Variants in NRAS observed in about 807,000 individuals in gnomAD.
The protein encoded by NRAS is NRAS proto-oncogene, GTPase.
NRAS carries 6 observed loss-of-function variants against 21.3 expected under a neutral mutation model. That is an observed-to-expected ratio of 0.28 (90% CI 0.15 to 0.56). The LOEUF (loss-of-function observed/expected upper bound fraction) is 0.56, where lower values mean the gene tolerates loss of function less well. NRAS is among the 20% of genes least tolerant of loss of function. The pLI is 0.93. For synonymous variants in NRAS, 84 were observed against 82.0 expected (o/e 1.02, Z -0.13); for missense variants, 143 against 231.3 (o/e 0.62, Z 2.48).
chr1:114,709,886 T>C (rs1659001495), intron 3 of NRAS, among the ~76,000 whole-genome samples, 158 bp from the exon 4 acceptor site: 1 of 151,880 alleles, frequency 6.6e-6, no homozygotes, highest in African/African-American at 2.4e-5. Flanking sequence ...CAAAACCCGG[T>C]CTCTACAAAA....
intron 4 of NRAS, among the ~76,000 whole-genome samples, chr1:114,708,971 A>G (rs1334393601): frequency 6.6e-6 from 1 of 152,274 alleles, no homozygotes; most frequent in African/African-American, 2.4e-5. Flanking sequence ...CTTAAGCCAT[A>G]AACGGGCTGG....
At chr1:114,716,008 TGA>T in intron 2 of NRAS, 40 bp downstream of exon 2, 1 of 1,166,896 alleles carries the variant, frequency 8.6e-7, no homozygotes, top group Non-Finnish European at 1.3e-6. Context: ...ATCCGACAAG[TGA>T]GAGACAGGAT....
In NRAS at chr1:114,716,679, T is replaced by G. The variant is rs1434625051; in HGVS notation, c.-39A>C. On this transcript the variant is annotated 5_prime_UTR_variant, in exon 1 of 7. Coordinates refer to ENST00000369535, the MANE Select transcript of NRAS (RefSeq NM_002524.5). ...TTACCTCAAGCTCCACTGCCTCTGC[T>G]TTGGACAGATTTAGGACCACAGCCG... is the stretch of plus-strand genomic sequence containing the variant. 5.0e-6 allele frequency: 1 copy of G among 198,328 alleles called. No homozygotes were observed. The highest frequency in any genetic ancestry group is 2.3e-5 in the African/African-American group (1 of 42,912). 12.3% of individuals were successfully genotyped at this position (198,328 alleles called of 1,614,324 possible).
At chr1:114,711,620 AAAC>A (rs1659047708) in intron 3 of NRAS, among the ~76,000 whole-genome samples, 1 of 16,976 alleles carries the variant, frequency 5.9e-5, no homozygotes, top group African/African-American at 5.3e-4. Flanking sequence ...AAAAAAAAAC[AAAC>A]AAACAAAAAA....
intron 3 of NRAS, 91 bp downstream of exon 3, chr1:114,713,709 G>T: frequency 1.8e-6 from 2 of 1,086,558 alleles, no homozygotes; most frequent in African/African-American, 1.5e-5. Context: ...TAATTAAAAA[G>T]CTCTATCTTC....
chr1:114,713,302 T>C (rs1231269770), intron 3 of NRAS, among the ~76,000 whole-genome samples: 7 of 152,100 alleles, frequency 4.6e-5, no homozygotes, highest in African/African-American at 1.7e-4. Context: ...GCCTCCCGAG[T>C]AGCTGCCACC....
rs1338415880 is a variant in NRAS at position 114,705,939 on chromosome 1, C to T, written c.*2155G>A. On this transcript the variant is annotated 3_prime_UTR_variant, in exon 7 of 7. Coordinates refer to ENST00000369535, the MANE Select transcript of NRAS (RefSeq NM_002524.5). ...GCCCAAGATGAGTAACTATCTTTCT[C>T]CCTAATTTGACATCAAATTTAATAG... is the stretch of plus-strand genomic sequence containing the variant. 1 of 152,170 alleles carries T rather than the reference C, an allele frequency of 6.6e-6. No homozygotes were observed. The highest frequency in any genetic ancestry group is 1.5e-5 in the Non-Finnish European group (1 of 68,034). The allele number at this position is 152,170 out of a possible 1,614,324, so 9.4% of individuals were successfully genotyped here.
chr1:114,714,742 A>G (rs9724624), intron 2 of NRAS, among the ~76,000 whole-genome samples: 7,853 of 152,266 alleles, frequency 0.052, 254 homozygotes, highest in South Asian at 0.1. Context: ...GGCTGTAGAC[A>G]TAAAATTTAT....
At chr1:114,711,320 G>A (rs189543571) in intron 3 of NRAS, among the ~76,000 whole-genome samples, 2 of 151,928 alleles carry the variant, frequency 1.3e-5, no homozygotes, top group African/African-American at 2.4e-5. Context: ...AAAACAGGCC[G>A]GGCACGGTGG....
At position 114,709,677 on chromosome 1, in the gene NRAS, C is replaced by G. The variant is rs2101738875; in HGVS notation, c.342G>C (p.Val114=). 6.2e-7 allele frequency: 1 copy of G among 1,613,668 alleles called. No individual in the cohort carries two copies. Among genetic ancestry groups the G allele is most frequent in the Middle Eastern group, 1.6e-4 (1 of 6,062 alleles). The change falls in exon 4 of 7, where the codon GTG becomes GTC. Residue 114 remains valine, a synonymous_variant. Transcript: ENST00000369535. Reference sequence around the variant, plus strand: ...TTGTTGGCAAATCACACTTGTTTCCCACTAGCACCATAGGTACATCATCCG... The same window carrying G: ...TTGTTGGCAAATCACACTTGTTTCCGACTAGCACCATAGGTACATCATCCG... ...KDSDDVPMVL[V]GNKCDLPTRT...
At chr1:114,715,171 T>C (rs1021854139) in intron 2 of NRAS, among the ~76,000 whole-genome samples, 24 of 152,110 alleles carry the variant, frequency 1.6e-4, no homozygotes, top group Admixed American at 8.5e-4. Context: ...GGATTACAGG[T>C]GCCTGCCACC....
chr1:114,712,153 T>C (rs1053830814), intron 3 of NRAS, among the ~76,000 whole-genome samples: 1 of 152,162 alleles, frequency 6.6e-6, no homozygotes, highest in Non-Finnish European at 1.5e-5. Flanking sequence ...AACAAGCCTC[T>C]TTGAGGATCC....
intron 3 of NRAS, among the ~76,000 whole-genome samples, chr1:114,712,131 A>C (rs1339080538): frequency 6.6e-6 from 1 of 152,106 alleles, no homozygotes; most frequent in Non-Finnish European, 1.5e-5. Context: ...GTTACTACTG[A>C]TTTTTACATT....
At chr1:114,716,458 T>C (rs889166231) in intron 1 of NRAS, among the ~76,000 whole-genome samples, 200 bp downstream of exon 1, 1 of 152,188 alleles carries the variant, frequency 6.6e-6, no homozygotes, top group African/African-American at 2.4e-5. Flanking sequence ...TTCTCAGCTC[T>C]AGCAGGAAGC....
chr1:114,714,004 A>C, intron 2 of NRAS, 26 bp from the exon 3 acceptor site: 378 of 574,756 alleles, frequency 6.6e-4, no homozygotes, highest in Non-Finnish European at 1.1e-3. Context: ...GTAAGGGGGC[A>C]GGGAGGGAGG....
chr1:114,709,111 A>ACAAGCG (rs1658982196), intron 4 of NRAS, among the ~76,000 whole-genome samples: 1 of 152,228 alleles, frequency 6.6e-6, no homozygotes, highest in Non-Finnish European at 1.5e-5. Context: ...TTGGGTTTAA[A>ACAAGCG]CAAGCGTTAA....
intron 2 of NRAS, among the ~76,000 whole-genome samples, chr1:114,714,221 C>T (rs548936185): frequency 6.6e-6 from 1 of 152,336 alleles, no homozygotes; most frequent in East Asian, 1.9e-4. Flanking sequence ...AATATGGTCA[C>T]TGTGTTCCTG....
In NRAS at chr1:114,708,794, T is replaced by C. The variant is rs1658974318; in HGVS notation, c.451-140A>G. 4 of 759,438 alleles carry C rather than the reference T, an allele frequency of 5.3e-6. No individual in the cohort carries two copies. The South Asian group carries it at 6.8e-5, about 13-fold the overall frequency. 47.0% of individuals were successfully genotyped at this position (759,438 alleles called of 1,614,324 possible). On this transcript the variant is annotated intron_variant, in intron 4 of 6. Transcript: ENST00000369535. The stretch of plus-strand genomic sequence containing the variant: ...AACGAATAGCTGATAAAATAAAATA[T>C]GGTGATTTAAGGAAGAGAACACTAA...
In NRAS at chr1:114,704,940, T is replaced by C. The variant is rs1008820335; in HGVS notation, c.*3154A>G. 1 of 152,254 alleles carries C rather than the reference T, an allele frequency of 6.6e-6. No homozygotes were observed. The highest frequency in any genetic ancestry group is 2.4e-5 in the African/African-American group (1 of 41,464). The allele number at this position is 152,254 out of a possible 1,614,324, so 9.4% of individuals were successfully genotyped here. The stretch of plus-strand genomic sequence containing the variant: ...AATAATGTACAAGAATTATAGTCCC[T>C]TGTTTATAGAAACCATCCAAATAAA... On this transcript the variant is annotated 3_prime_UTR_variant, in exon 7 of 7. Transcript: ENST00000369535.
Sources: gnomAD v4.1 joint callset for allele counts (sites outside exome capture counted in the v4.1 genomes callset) on GRCh38, gnomAD v4.1.1 for gene constraint, MANE v1.5 for transcripts, NCBI Gene and HGNC (gene_info 2026-07-23, HGNC 2026-07-21) for gene names.